GHRH: variants seen among roughly 807,000 people sequenced by gnomAD.
The protein encoded by GHRH is somatoliberin.
Under a neutral mutation model 15.6 loss-of-function variants are expected in GHRH, and 7 were observed. The observed-to-expected ratio is 0.45, with a 90% CI of 0.26 to 0.84. The LOEUF (loss-of-function observed/expected upper bound fraction) is 0.84. Ranked by LOEUF, GHRH falls within the 40% of genes least tolerant of loss-of-function variation. GHRH has a pLI of 0.18. For missense variants in GHRH, 117 were observed against 138.0 expected (o/e 0.85, Z 0.76); for synonymous variants, 54 against 50.4 (o/e 1.07, Z -0.30).
At chr20:37,261,205 G>A (rs1168825390) in intron 1 of GHRH, among the ~76,000 whole-genome samples, 1 of 152,202 alleles carries the variant, frequency 6.6e-6, no homozygotes, top group Non-Finnish European at 1.5e-5. Flanking sequence ...CAAGGATCAG[G>A]AGACAGGCGT....
intron 3 of GHRH, among the ~76,000 whole-genome samples, chr20:37,255,688 AG>A (rs2068652016): frequency 8.2e-6 from 1 of 122,690 alleles, no homozygotes; most frequent in African/African-American, 4.4e-5. Context: ...AAAAAAAAAG[AG>A]CTATTAACCC....
chr20:37,251,372 G>A, intron 4 of GHRH, 141 bp from the exon 5 acceptor site: 1 of 626,552 alleles, frequency 1.6e-6, no homozygotes, highest in Non-Finnish European at 2.7e-6. Context: ...GGGGTGGAGG[G>A]AAGGATGCGC....
At chr20:37,257,441 G>A (rs2068663956) in intron 1 of GHRH, among the ~76,000 whole-genome samples, 1 of 151,868 alleles carries the variant, frequency 6.6e-6, no homozygotes, top group Non-Finnish European at 1.5e-5. Context: ...CTTGAACCCA[G>A]GAGGTGGAAG....
In GHRH at chr20:37,254,345, AAG is replaced by A. The variant is rs545414634; in HGVS notation, c.189-18_189-17del. 7 of 1,613,980 alleles carry A rather than the reference AAG, an allele frequency of 4.3e-6. No homozygotes were observed. The highest frequency in any genetic ancestry group is 5.1e-6 in the Non-Finnish European group (6 of 1,179,940). On this transcript the variant is annotated splice_polypyrimidine_tract_variant and intron_variant, in intron 3 of 4. Coordinates refer to ENST00000373614, the MANE Select transcript of GHRH (RefSeq NM_021081.6). ...GTTGCTCTCTCTGTGTGGTTAGAAA[AAG>A]AGAACTAGTTGCTATTTGGGTAGGA... is the stretch of plus-strand genomic sequence containing the variant.
intron 2 of GHRH, 21 bp downstream of exon 2, chr20:37,256,786 C>A (rs777415895): frequency 6.3e-7 from 1 of 1,594,580 alleles, no homozygotes. Context: ...GTGGTGGGAA[C>A]TTTCCCCAGG....
Position 37,256,920 on chromosome 20 carries a change from C to T in GHRH, c.-19-12G>A. ...ACCCGGGGTGGCACCTGCAGAGTGA[C>T]AGGAGGGGAAGGTCAGGTACAGCCA... is the stretch of plus-strand genomic sequence containing the variant. On this transcript the variant is annotated splice_polypyrimidine_tract_variant and intron_variant, in intron 1 of 4. Transcript: ENST00000373614. 5.9e-6 allele frequency: 9 copies of T among 1,530,300 alleles called. No homozygotes were observed. The highest frequency in any genetic ancestry group is 1.8e-5 in the Admixed American group (1 of 55,356). The allele number at this position is 1,530,300 out of a possible 1,614,324, so 94.8% of individuals were successfully genotyped here.
Position 37,256,457 on chromosome 20 carries a change from C to T in GHRH, c.125G>A (p.Arg42Gln), listed in dbSNP as rs990835110. ...GGCGGACAGCTGGCCCAGCACCTTC[C>T]GGTAGCTGTTGGTGAAGATGGCATC... is the stretch of plus-strand genomic sequence containing the variant. ...YADAIFTNSYRKVLGQLSARK... is the reference protein window; with the variant it reads ...YADAIFTNSYQKVLGQLSARK... The change falls in exon 3 of 5, where the codon CGG becomes CAG. Residue 42 changes from arginine (R) to glutamine (Q), a missense_variant. By Grantham distance (43) the Arg-to-Gln change is conservative. Coordinates refer to ENST00000373614, the MANE Select transcript of GHRH (RefSeq NM_021081.6). The T allele has an allele frequency of 8.7e-6, 14 of 1,613,594 alleles. No homozygotes were observed. Among genetic ancestry groups the T allele is most frequent in the Middle Eastern group, 1.7e-4 (1 of 6,060 alleles).
At chr20:37,260,309 C>G (rs55705839) in intron 1 of GHRH, among the ~76,000 whole-genome samples, 10,327 of 151,858 alleles carry the variant, frequency 0.068, 778 homozygotes, top group African/African-American at 0.19. Context: ...CAAGAATTAT[C>G]CAGTGTAGGG....
In GHRH at chr20:37,254,335, T is replaced by A. The variant is rs1315491856; in HGVS notation, c.189-6A>T. Reference sequence around the variant, plus strand: ...CTCGCTCTTGGTTGCTCTCTCTGTGTGGTTAGAAAAAGAGAACTAGTTGCT... The same window carrying A: ...CTCGCTCTTGGTTGCTCTCTCTGTGAGGTTAGAAAAAGAGAACTAGTTGCT... On this transcript the variant is annotated splice_polypyrimidine_tract_variant and splice_region_variant and intron_variant, in intron 3 of 4. Transcript: ENST00000373614. 1 of 1,613,960 alleles carries A rather than the reference T, an allele frequency of 6.2e-7. No homozygotes were observed. The highest frequency in any genetic ancestry group is 1.3e-5 in the African/African-American group (1 of 74,898).
At position 37,256,923 on chromosome 20, in the gene GHRH, G is replaced by C. The variant is rs780058414; in HGVS notation, c.-19-15C>G. 2.7e-6 allele frequency: 4 copies of C among 1,500,590 alleles called. No homozygotes were observed. Among genetic ancestry groups the C allele is most frequent in the Non-Finnish European group, 3.7e-6 (4 of 1,087,522 alleles). 93.0% of individuals were successfully genotyped at this position (1,500,590 alleles called of 1,614,324 possible). On this transcript the variant is annotated splice_polypyrimidine_tract_variant and intron_variant, in intron 1 of 4. Coordinates refer to ENST00000373614, the MANE Select transcript of GHRH (RefSeq NM_021081.6). ...CGGGGTGGCACCTGCAGAGTGACAG[G>C]AGGGGAAGGTCAGGTACAGCCACAG...
intron 1 of GHRH, 37 bp downstream of exon 1, chr20:37,261,706 C>T (rs1033710498): frequency 6.6e-6 from 1 of 152,270 alleles, no homozygotes; most frequent in African/African-American, 2.4e-5. Context: ...TTTCTTACCC[C>T]CACCCAGCCT....
chr20:37,256,983 C>G, intron 1 of GHRH, 75 bp from the exon 2 acceptor site: 1 of 908,728 alleles, frequency 1.1e-6, no homozygotes, highest in Non-Finnish European at 1.7e-6. Context: ...CAGCCCTGGG[C>G]TTGGCTCCAT....
At chr20:37,260,220 G>A (rs1037998567) in intron 1 of GHRH, among the ~76,000 whole-genome samples, 2 of 152,114 alleles carry the variant, frequency 1.3e-5, no homozygotes, top group African/African-American at 4.8e-5. Flanking sequence ...CCAGGCATAG[G>A]TCAAGACCCC....
Position 37,256,865 on chromosome 20 carries a change from CAAAG to C in GHRH, c.21_24del (p.Phe7LeufsTer2), listed in dbSNP as rs763014119. 4.5e-5 allele frequency: 73 copies of C among 1,612,544 alleles called. No individual in the cohort carries two copies. The highest frequency in any genetic ancestry group is 6.1e-5 in the Non-Finnish European group (72 of 1,179,534). On this transcript the variant is annotated frameshift_variant, in exon 2 of 5. Transcript: ENST00000373614. LOFTEE classifies it high-confidence loss of function. ...GAGCTGTTGCTGAGGGTGAGGATCA[CAAAG>C]AAGAACACCCAGAGTGGCATCCTTC... is the stretch of plus-strand genomic sequence containing the variant.
At chr20:37,256,245 G>A (rs6032438) in intron 3 of GHRH, 149 bp downstream of exon 3, 9 of 558,434 alleles carry the variant, frequency 1.6e-5, no homozygotes, top group African/African-American at 9.5e-5. Context: ...GAGGTTTAAC[G>A]CTGGAACCCT....
At chr20:37,257,190 G>T (rs1449164570) in intron 1 of GHRH, among the ~76,000 whole-genome samples, 1 of 152,182 alleles carries the variant, frequency 6.6e-6, no homozygotes, top group Non-Finnish European at 1.5e-5. Context: ...AGTGATAGTA[G>T]GGAAATTTCC....
At chr20:37,257,307 G>A (rs1045011220) in intron 1 of GHRH, among the ~76,000 whole-genome samples, 2 of 152,070 alleles carry the variant, frequency 1.3e-5, no homozygotes, top group East Asian at 1.9e-4. Flanking sequence ...CTGAGGCCAG[G>A]AGTTTGAGAC....
intron 4 of GHRH, among the ~76,000 whole-genome samples, chr20:37,253,939 C>A (rs1217202544): frequency 6.6e-6 from 1 of 152,166 alleles, no homozygotes. Flanking sequence ...GTAATAGAGA[C>A]AGGGTTTTGC....
At chr20:37,251,260 G>A (rs562354465) in intron 4 of GHRH, 29 bp from the exon 5 acceptor site, 16 of 1,592,540 alleles carry the variant, frequency 1.0e-5, no homozygotes, top group Admixed American at 8.7e-5. Flanking sequence ...AGCTCAATCC[G>A]GGGAATTGAA....
Sources: allele counts gnomAD v4.1 joint callset (sites outside exome capture counted in the v4.1 genomes callset), GRCh38; gene constraint gnomAD v4.1.1; transcripts MANE v1.5; gene names NCBI Gene and HGNC (gene_info 2026-07-23, HGNC 2026-07-21).